CMBL: variants seen among roughly 807,000 people sequenced by gnomAD.
CMBL encodes the protein carboxymethylenebutenolidase homolog, also known as carboxymethylenebutenolidase homolog (Pseudomonas).
A neutral mutation model predicts 28.7 loss-of-function variants in CMBL; 17 were observed. That is an observed-to-expected ratio of 0.59 (90% CI 0.41 to 0.89). The LOEUF (loss-of-function observed/expected upper bound fraction) is 0.89, where lower values mean the gene tolerates loss of function less well. Among genes scored for constraint, CMBL ranks in the 40% least tolerant of loss-of-function variants. CMBL has a pLI of 0.00. For synonymous variants in CMBL, 106 were observed against 101.6 expected, an observed-to-expected ratio of 1.04 and a Z score of -0.26; for missense variants, 310 against 298.5, an observed-to-expected ratio of 1.04 and a Z score of -0.28.
intron 1 of CMBL, among the ~76,000 whole-genome samples, chr5:10,304,367 C>T (rs1037136494): frequency 5.9e-5 from 9 of 152,106 alleles, no homozygotes; most frequent in Non-Finnish European, 1.5e-5. Flanking sequence ...GAAACCCTGT[C>T]TCAAAAGTAT....
At chr5:10,288,916 G>A (rs1023630556) in intron 2 of CMBL, among the ~76,000 whole-genome samples, 4 of 152,302 alleles carry the variant, frequency 2.6e-5, no homozygotes, top group African/African-American at 7.2e-5. Flanking sequence ...CCTTTCACAT[G>A]AGCCTCAGGC....
rs13169136 is a variant in CMBL, at chr5:10,289,849, G to C, written c.215+699C>G. ...AGGTAGGCTCATCCTCGGGTTTCCA[G>C]CTTCTCCTTCTGTGAAAACAAAGGA... On this transcript the variant is annotated intron_variant, in intron 2 of 5. Transcript: ENST00000296658. This position sits in a 1 kb window ranked among gnomAD's most constrained non-coding sequence, Gnocchi z 4.3. Among the ~76,000 whole-genome samples, 68,236 of 151,838 alleles carry C rather than the reference G, an allele frequency of 0.45. 19,224 individuals are homozygous for C. The highest frequency in any genetic ancestry group is 0.64 in the Non-Finnish European group (43,483 of 67,814).
chr5:10,304,525 C>T (rs990271608), intron 1 of CMBL, among the ~76,000 whole-genome samples: 1 of 152,244 alleles, frequency 6.6e-6, no homozygotes, highest in Non-Finnish European at 1.5e-5. Context: ...GACTACACTT[C>T]CCAGCCTGTC....
At chr5:10,300,963 A>G (rs78383841) in intron 1 of CMBL, among the ~76,000 whole-genome samples, 10,388 of 151,512 alleles carry the variant, frequency 0.069, 398 homozygotes, top group African/African-American at 0.094. Context: ...CAACCAAAAA[A>G]CATACATTTT....
At chr5:10,284,450 G>A (rs181612846) in intron 4 of CMBL, among the ~76,000 whole-genome samples, 2 of 152,166 alleles carry the variant, frequency 1.3e-5, no homozygotes, top group East Asian at 1.9e-4. Flanking sequence ...CAGGCCTAAC[G>A]ATGGTTCCAC....
At chr5:10,284,959 C>T (rs1375161120) in intron 4 of CMBL, among the ~76,000 whole-genome samples, 1 of 149,586 alleles carries the variant, frequency 6.7e-6, no homozygotes, top group East Asian at 1.9e-4. Context: ...ATTGCTATTT[C>T]GATTTTAGAG....
rs1473478599 is a variant in CMBL, at chr5:10,289,848, AG to A, written c.215+699del. On this transcript the variant is annotated intron_variant, in intron 2 of 5. Coordinates refer to ENST00000296658, the MANE Select transcript of CMBL (RefSeq NM_138809.4). This position sits in a 1 kb window ranked among gnomAD's most constrained non-coding sequence, Gnocchi z 4.3. ...AAGGTAGGCTCATCCTCGGGTTTCC[AG>A]CTTCTCCTTCTGTGAAAACAAAGGA... Among the ~76,000 whole-genome samples, 18 of 152,090 alleles carry A rather than the reference AG, an allele frequency of 1.2e-4. No individual in the cohort carries two copies. The highest frequency in any genetic ancestry group is 7.9e-4 in the Admixed American group (12 of 15,264).
At chr5:10,291,302 T>A (rs899526620) in intron 1 of CMBL, among the ~76,000 whole-genome samples, 3 of 152,172 alleles carry the variant, frequency 2.0e-5, no homozygotes, top group African/African-American at 7.2e-5. Flanking sequence ...AAGAGCTCCA[T>A]CCGCCAGGCT....
chr5:10,282,380 C>A, intron 4 of CMBL, 92 bp from the exon 5 acceptor site: 1 of 698,318 alleles, frequency 1.4e-6, no homozygotes, highest in Middle Eastern at 3.1e-4. Context: ...ACACTCATGC[C>A]ACAGAAAACT....
intron 4 of CMBL, among the ~76,000 whole-genome samples, chr5:10,285,087 TC>T (rs1214560681): frequency 2.0e-5 from 3 of 152,124 alleles, no homozygotes; most frequent in Non-Finnish European, 4.4e-5. Context: ...CACTGCAGCC[TC>T]AAACTTCTGG....
chr5:10,284,055 A>C (rs142720382), intron 4 of CMBL, among the ~76,000 whole-genome samples: 288 of 152,348 alleles, frequency 1.9e-3, no homozygotes, highest in African/African-American at 6.5e-3. Context: ...AGCCACGGGA[A>C]AGGTGACCAC....
intron 1 of CMBL, among the ~76,000 whole-genome samples, chr5:10,305,262 C>G (rs62362646): frequency 0.46 from 69,367 of 151,656 alleles, 18,308 homozygotes; most frequent in Non-Finnish European, 0.61. Context: ...CCACCACCAG[C>G]ACAAATGCAT....
At chr5:10,298,441 G>A (rs996792230) in intron 1 of CMBL, among the ~76,000 whole-genome samples, 1 of 152,166 alleles carries the variant, frequency 6.6e-6, no homozygotes, top group Non-Finnish European at 1.5e-5. Flanking sequence ...AATACTAAGT[G>A]GATATTTGAT....
In CMBL at chr5:10,278,987, A is replaced by G. The variant is rs200468123; in HGVS notation, c.*1466T>C. Among the ~76,000 whole-genome samples the G allele has an allele frequency of 6.6e-6, 1 of 152,206 alleles. No homozygotes were observed. The highest frequency in any genetic ancestry group is 1.5e-5 in the Non-Finnish European group (1 of 68,042). On this transcript the variant is annotated 3_prime_UTR_variant, in exon 6 of 6. Transcript: ENST00000296658. ...CCCCGTCAGGGCAGGGCTAGAGTTT[A>G]CAGCCACTCTCTCCTGAGAAGGACG...
chr5:10,288,026 C>T (rs921422767), intron 3 of CMBL, among the ~76,000 whole-genome samples: 5 of 151,116 alleles, frequency 3.3e-5, no homozygotes, highest in African/African-American at 7.3e-5. Context: ...CCACCATGCC[C>T]GGCCTAAAAA....
chr5:10,287,495 G>A (rs1163394098), intron 3 of CMBL, among the ~76,000 whole-genome samples: 2 of 151,326 alleles, frequency 1.3e-5, no homozygotes, highest in African/African-American at 4.9e-5. Flanking sequence ...GAAGGGGGAG[G>A]GTGGGAGGGT....
chr5:10,281,069 C>T (rs887053303), intron 5 of CMBL, among the ~76,000 whole-genome samples: 1 of 152,212 alleles, frequency 6.6e-6, no homozygotes, highest in Admixed American at 6.5e-5. Flanking sequence ...CCACGGCGCC[C>T]GGCCTCTACT....
rs1746603291 is a variant in CMBL, at chr5:10,286,339, A to C, written c.466+15T>G. 3.1e-6 allele frequency: 5 copies of C among 1,611,604 alleles called. No individual in the cohort carries two copies. The South Asian group carries it at 4.4e-5, about 14-fold the overall frequency. The stretch of plus-strand genomic sequence containing the variant: ...TCCCTTCTGCATGGAGTAAAAATGC[A>C]CAAGGCAGATTTACCATAGACGGAC... On this transcript the variant is annotated intron_variant, in intron 4 of 5. Coordinates refer to ENST00000296658, the MANE Select transcript of CMBL (RefSeq NM_138809.4).
chr5:10,283,330 C>A (rs1746537108), intron 4 of CMBL, among the ~76,000 whole-genome samples: 1 of 152,204 alleles, frequency 6.6e-6, no homozygotes, highest in Admixed American at 6.5e-5. Flanking sequence ...TTTCTCAGGT[C>A]TACACAAGTC....
Sources: gnomAD v4.1 joint callset for allele counts (sites outside exome capture counted in the v4.1 genomes callset) on GRCh38, gnomAD v4.1.1 for gene constraint, Gnocchi (gnomAD v3.1) non-coding constraint, MANE v1.5 for transcripts, NCBI Gene and HGNC (gene_info 2026-07-23, HGNC 2026-07-21) for gene names.